The following ADGRL3 variants were observed in gnomAD, a reference collection of about 807,000 sequenced individuals.
ADGRL3 encodes calcium-independent alpha-latrotoxin receptor 3.
A neutral mutation model predicts 153.5 loss-of-function variants in ADGRL3; 62 were observed. The ratio of observed to expected loss-of-function variants is 0.40; its 90% CI spans 0.33 to 0.50. The LOEUF (loss-of-function observed/expected upper bound fraction) is 0.50, where lower values mean the gene tolerates loss of function less well. Among genes scored for constraint, ADGRL3 ranks in the 20% least tolerant of loss-of-function variants. The pLI, the probability that ADGRL3 is intolerant of heterozygous loss-of-function variation, is 0.47. For missense variants in ADGRL3, 1,641 were observed against 1,859.4 expected, an observed-to-expected ratio of 0.88 and a Z score of 2.16; for synonymous variants, 710 against 672.5, an observed-to-expected ratio of 1.06 and a Z score of -0.86.
At chr4:61,305,208 A>G (rs2094732482) in intron 1 of ADGRL3, among the ~76,000 whole-genome samples, 1 of 152,170 alleles carries the variant, frequency 6.6e-6, no homozygotes, top group Non-Finnish European at 1.5e-5. Flanking sequence ...GTCTATAATA[A>G]ATAAGATACA....
At chr4:61,531,687 C>A (rs1258341967) in intron 4 of ADGRL3, among the ~76,000 whole-genome samples, 9 of 151,682 alleles carry the variant, frequency 5.9e-5, no homozygotes, top group Admixed American at 5.9e-4. Flanking sequence ...GCAAAGAGAC[C>A]AATACTGATT....
At chr4:61,384,217 T>C (rs1002267629) in intron 2 of ADGRL3, among the ~76,000 whole-genome samples, 27 of 151,936 alleles carry the variant, frequency 1.8e-4, no homozygotes, top group African/African-American at 5.5e-4. Flanking sequence ...TTAATTTCTT[T>C]GTCATTGTTT....
chr4:61,774,986 TG>T (rs1402626562), intron 8 of ADGRL3, among the ~76,000 whole-genome samples: 2 of 152,188 alleles, frequency 1.3e-5, no homozygotes, highest in African/African-American at 4.8e-5. Flanking sequence ...AAGTTGTCTC[TG>T]GTGATTAACT....
intron 4 of ADGRL3, among the ~76,000 whole-genome samples, chr4:61,545,587 C>T (rs892385484): frequency 4.6e-5 from 7 of 152,200 alleles, no homozygotes; most frequent in African/African-American, 1.2e-4. Context: ...CATCTCGGCT[C>T]ACTGCAACCT....
chr4:61,628,004 C>T (rs2092934884), intron 5 of ADGRL3, among the ~76,000 whole-genome samples: 2 of 151,968 alleles, frequency 1.3e-5, no homozygotes, highest in South Asian at 4.2e-4. Context: ...CAAATGGGTT[C>T]GTGTTACAGA....
chr4:61,769,381 A>G (rs374237628), intron 8 of ADGRL3, among the ~76,000 whole-genome samples: 1,694 of 152,122 alleles, frequency 0.011, 33 homozygotes, highest in African/African-American at 0.038. Context: ...AGAGAGTAAA[A>G]AGAGGCCGCT....
At chr4:61,966,570 A>AGG (rs571458671) in intron 17 of ADGRL3, among the ~76,000 whole-genome samples, 6 of 134,236 alleles carry the variant, frequency 4.5e-5, no homozygotes, top group Non-Finnish European at 7.8e-5. Flanking sequence ...TACTTTCAAA[A>AGG]GGGGTGTGTG....
intron 5 of ADGRL3, among the ~76,000 whole-genome samples, chr4:61,630,000 A>T (rs897124193): frequency 6.6e-6 from 1 of 151,818 alleles, no homozygotes; most frequent in African/African-American, 2.4e-5. Context: ...CTATTTTAAC[A>T]CCCCAGAGTG....
chr4:61,980,962 TGG>T (rs2099066205), intron 18 of ADGRL3, among the ~76,000 whole-genome samples: 1 of 152,182 alleles, frequency 6.6e-6, no homozygotes, highest in Non-Finnish European at 1.5e-5. Flanking sequence ...GGTTTTTGTG[TGG>T]ACATATGTTT....
At chr4:61,472,946 AT>A (rs2097982189) in intron 2 of ADGRL3, among the ~76,000 whole-genome samples, 1 of 152,080 alleles carries the variant, frequency 6.6e-6, no homozygotes, top group South Asian at 2.1e-4. Flanking sequence ...ATCTGATTGA[AT>A]TTTAGGAGCC....
intron 6 of ADGRL3, among the ~76,000 whole-genome samples, chr4:61,713,434 TTTCAAG>T (rs1278651115): frequency 6.6e-6 from 1 of 152,082 alleles, no homozygotes; most frequent in African/African-American, 2.4e-5. Flanking sequence ...CGTATAAACA[TTTCAAG>T]TTCCTTTCTA....
At chr4:61,206,956 C>A (rs968816302) in intron 1 of ADGRL3, among the ~76,000 whole-genome samples, 1 of 151,662 alleles carries the variant, frequency 6.6e-6, no homozygotes. Context: ...GCACTCCAGC[C>A]TGGTCCACAG....
At chr4:61,839,115 G>T (rs1485658331) in intron 9 of ADGRL3, among the ~76,000 whole-genome samples, 2 of 152,136 alleles carry the variant, frequency 1.3e-5, no homozygotes, top group Non-Finnish European at 2.9e-5. Context: ...TTATGTGGTA[G>T]TTTTAAATAT....
chr4:61,785,720 A>T (rs2097268620), intron 8 of ADGRL3, among the ~76,000 whole-genome samples: 1 of 152,204 alleles, frequency 6.6e-6, no homozygotes, highest in Admixed American at 6.5e-5. Flanking sequence ...ACATTATCAG[A>T]GATGTATTCT....
At chr4:61,830,235 C>A (rs1422260510) in intron 9 of ADGRL3, among the ~76,000 whole-genome samples, 4 of 151,900 alleles carry the variant, frequency 2.6e-5, no homozygotes, top group Non-Finnish European at 5.9e-5. Flanking sequence ...ACAAAAATTT[C>A]TTTAAAATTA....
intron 2 of ADGRL3, among the ~76,000 whole-genome samples, chr4:61,423,420 A>C (rs554239691): frequency 6.6e-6 from 1 of 152,354 alleles, no homozygotes; most frequent in South Asian, 2.1e-4. Flanking sequence ...GATTAATAGA[A>C]GACAAGATGG....
intron 9 of ADGRL3, among the ~76,000 whole-genome samples, chr4:61,836,689 C>T (rs1237188232): frequency 2.0e-5 from 3 of 151,900 alleles, no homozygotes; most frequent in Admixed American, 6.6e-5. Flanking sequence ...ATTAACATTT[C>T]GTTTTAAAAT....
chr4:61,853,105 G>A (rs950692445), intron 9 of ADGRL3, among the ~76,000 whole-genome samples: 1 of 151,684 alleles, frequency 6.6e-6, no homozygotes, highest in Non-Finnish European at 1.5e-5. Flanking sequence ...GCAACCACCC[G>A]CTCCTCTCCA....
At chr4:61,414,827 T>A (rs960203619) in intron 2 of ADGRL3, among the ~76,000 whole-genome samples, 3 of 152,000 alleles carry the variant, frequency 2.0e-5, no homozygotes, top group Admixed American at 1.3e-4. Context: ...AAGGACATAA[T>A]CAGTTTTTCA....
Sources: allele counts gnomAD v4.1 joint callset (sites outside exome capture counted in the v4.1 genomes callset), GRCh38; gene constraint gnomAD v4.1.1; transcripts MANE v1.5; gene names NCBI Gene and HGNC (gene_info 2026-07-23, HGNC 2026-07-21).